The following RMDN2 variants were observed in gnomAD, a reference collection of about 807,000 sequenced individuals.
The protein encoded by RMDN2 is regulator of microtubule dynamics protein 2.
In RMDN2, 61 loss-of-function variants were observed where a neutral mutation model predicts 52.8. That is an observed-to-expected ratio of 1.16 (90% CI 0.94 to 1.43). RMDN2 has a LOEUF of 1.43. RMDN2 is among the 40% of genes most tolerant of loss of function. The pLI is 0.00. For missense variants in RMDN2, 592 were observed against 475.3 expected (o/e 1.25, Z -2.28); for synonymous variants, 180 against 153.1 (o/e 1.18, Z -1.30).
At chr2:38,039,708 A>C (rs1046746694) in intron 10 of RMDN2, among the ~76,000 whole-genome samples, 1 of 152,222 alleles carries the variant, frequency 6.6e-6, no homozygotes, top group Non-Finnish European at 1.5e-5. Context: ...CTGAAGGTGC[A>C]CATGGGGTCA....
chr2:38,043,769 T>C (rs1424980620), intron 10 of RMDN2, among the ~76,000 whole-genome samples: 1 of 152,102 alleles, frequency 6.6e-6, no homozygotes, highest in African/African-American at 2.4e-5. Context: ...CATCTTTTAG[T>C]AATATATTCC....
chr2:37,959,908 G>T (rs1014348613), intron 2 of RMDN2, among the ~76,000 whole-genome samples: 1 of 146,162 alleles, frequency 6.8e-6, no homozygotes, highest in Non-Finnish European at 1.5e-5. Flanking sequence ...TATTCACCCA[G>T]TAGTGATTCA....
intron 10 of RMDN2, among the ~76,000 whole-genome samples, chr2:38,055,149 C>T (rs930686006): frequency 1.3e-5 from 2 of 152,070 alleles, no homozygotes; most frequent in South Asian, 2.1e-4. Flanking sequence ...TACTTTCCCT[C>T]TTGCCTAGAT....
intron 8 of RMDN2, among the ~76,000 whole-genome samples, chr2:38,002,288 G>A (rs548716068): frequency 2.6e-5 from 4 of 152,232 alleles, no homozygotes; most frequent in African/African-American, 7.2e-5. Context: ...AAACACACAT[G>A]TACACAAGCA....
intron 2 of RMDN2, among the ~76,000 whole-genome samples, chr2:37,954,870 C>T (rs557407578): frequency 6.6e-6 from 1 of 152,004 alleles, no homozygotes; most frequent in Non-Finnish European, 1.5e-5. Flanking sequence ...TATTTAAATT[C>T]TTTCAACAAT....
intron 2 of RMDN2, among the ~76,000 whole-genome samples, chr2:37,953,805 C>T (rs956247371): frequency 1.3e-4 from 20 of 152,148 alleles, no homozygotes; most frequent in Non-Finnish European, 2.6e-4. Flanking sequence ...TTTACATTTG[C>T]ACCAGGAGTG....
At chr2:37,937,373 A>G (rs1263541927) in intron 2 of RMDN2, among the ~76,000 whole-genome samples, 2 of 152,174 alleles carry the variant, frequency 1.3e-5, no homozygotes, top group Admixed American at 6.5e-5. Flanking sequence ...TGTCTTGGCT[A>G]TACAGGTTCC....
At chr2:37,940,232 A>G (rs1667668586) in intron 2 of RMDN2, among the ~76,000 whole-genome samples, 1 of 152,100 alleles carries the variant, frequency 6.6e-6, no homozygotes, top group Non-Finnish European at 1.5e-5. Flanking sequence ...TGGCTTGTAG[A>G]GTTTGTGCAG....
upstream of RMDN2, among the ~76,000 whole-genome samples, chr2:37,924,316 A>C (rs1462054733): frequency 1.3e-5 from 2 of 152,298 alleles, no homozygotes; most frequent in East Asian, 3.9e-4. Flanking sequence ...TGTTATGCAA[A>C]CCTAAGCTTG....
chr2:37,997,502 C>A lies in RMDN2; in HGVS notation c.1032C>A (p.His344Gln). The A allele has an allele frequency of 6.2e-7, 1 of 1,606,460 alleles. No individual in the cohort carries two copies. The highest frequency in any genetic ancestry group is 8.5e-7 in the Non-Finnish European group (1 of 1,173,108). ...CTTCAACTGTACAAGAAGCTTTACA[C>A]AATTTCCTTAAGGTACATTTTGTGT... Reference protein sequence around the residue: ...IPSSTVQEALHNFLKAEELCP... With the variant: ...IPSSTVQEALQNFLKAEELCP... Residue 344 changes from histidine (H) to glutamine (Q), a missense_variant, in exon 8 of 11, where the codon CAC (histidine) becomes CAA (glutamine). Coordinates refer to ENST00000354545, the MANE Select transcript of RMDN2 (RefSeq NM_001170791.3).
chr2:38,012,525 G>A, intron 10 of RMDN2: 1 of 448,598 alleles, frequency 2.2e-6, no homozygotes. Flanking sequence ...AATGTAAGAA[G>A]GCTAGACATT....
intron 10 of RMDN2, among the ~76,000 whole-genome samples, chr2:38,051,034 A>T (rs1444907850): frequency 6.6e-6 from 1 of 152,196 alleles, no homozygotes; most frequent in Admixed American, 6.5e-5. Context: ...AAGAAGGAAG[A>T]GCAAGCTGTA....
At position 37,989,497 on chromosome 2, in the gene RMDN2, T is replaced by A. The variant is rs747724178; in HGVS notation, c.792-44T>A. On this transcript the variant is annotated intron_variant, in intron 5 of 10. Transcript: ENST00000354545. Reference sequence around the variant, plus strand: ...TGTTTTGGTGGCATTTTGTTAAAAATTTACACAGTGGCCACTGTTTTTGTC... The same window carrying A: ...TGTTTTGGTGGCATTTTGTTAAAAAATTACACAGTGGCCACTGTTTTTGTC... 274 of 1,326,244 alleles carry A rather than the reference T, an allele frequency of 2.1e-4. 2 individuals carry two copies. The highest frequency in any genetic ancestry group is 2.9e-4 in the Non-Finnish European group (267 of 934,804). The allele number at this position is 1,326,244 out of a possible 1,614,324, so 82.2% of individuals were successfully genotyped here.
chr2:37,986,758 T>G (rs926846825), intron 5 of RMDN2, among the ~76,000 whole-genome samples: 1 of 151,950 alleles, frequency 6.6e-6, no homozygotes, highest in Non-Finnish European at 1.5e-5. Flanking sequence ...AAAGAAACTC[T>G]CAGCAAACTA....
At chr2:38,064,383 G>A (rs1029695569) in intron 10 of RMDN2, among the ~76,000 whole-genome samples, 10 of 151,896 alleles carry the variant, frequency 6.6e-5, no homozygotes, top group Non-Finnish European at 1.0e-4. Context: ...CCAGCTACTC[G>A]GGGGGCTGAG....
chr2:37,969,580 A>G lies in RMDN2; in HGVS notation c.453-4460A>G, dbSNP rs140057668. On this transcript the variant is annotated intron_variant, in intron 2 of 10. Coordinates refer to ENST00000354545, the MANE Select transcript of RMDN2 (RefSeq NM_001170791.3). Reference sequence around the variant, plus strand: ...AAATCCTAATTAGTTCTAATTACTTATATGTAAATTTTGTTAGGTCCTCTA... The same window carrying G: ...AAATCCTAATTAGTTCTAATTACTTGTATGTAAATTTTGTTAGGTCCTCTA... Among the ~76,000 whole-genome samples the G allele has an allele frequency of 1.8e-3, 272 of 152,010 alleles. 4 individuals carry two copies. The East Asian group carries it at 0.044, about 25-fold the overall frequency.
intron 10 of RMDN2, among the ~76,000 whole-genome samples, chr2:38,013,410 T>C (rs986019090): frequency 3.3e-5 from 5 of 152,250 alleles, no homozygotes; most frequent in African/African-American, 7.2e-5. Context: ...ACTCATAGAC[T>C]AGTAAATCCA....
chr2:37,997,319 C>T (rs555692393), intron 7 of RMDN2, 97 bp from the exon 8 acceptor site: 12 of 775,700 alleles, frequency 1.5e-5, no homozygotes, highest in Non-Finnish European at 2.3e-5. Context: ...CACACACACA[C>T]GTATATACAC....
chr2:38,050,944 G>A (rs928082240), intron 10 of RMDN2, among the ~76,000 whole-genome samples: 5 of 152,140 alleles, frequency 3.3e-5, no homozygotes, highest in African/African-American at 4.8e-5. Flanking sequence ...TGTGTTTTTA[G>A]TAGAGACCAG....
Sources: allele counts gnomAD v4.1 joint callset (sites outside exome capture counted in the v4.1 genomes callset), GRCh38; gene constraint gnomAD v4.1.1; transcripts MANE v1.5; gene names NCBI Gene and HGNC (gene_info 2026-07-23, HGNC 2026-07-21).